Variants in IL3RA observed in about 807,000 individuals in gnomAD.
IL3RA encodes the protein interleukin-3 receptor subunit alpha.
In IL3RA, 73 loss-of-function variants were observed where a neutral mutation model predicts 52.3. That is an observed-to-expected ratio of 1.40 (90% CI 1.16 to 1.70). The LOEUF (loss-of-function observed/expected upper bound fraction) is 1.70, where lower values mean the gene tolerates loss of function less well. IL3RA is among the 40% of genes most tolerant of loss of function. IL3RA has a pLI of 0.00. For synonymous variants in IL3RA, 260 were observed against 194.0 expected, an observed-to-expected ratio of 1.34 and a Z score of -2.83; for missense variants, 664 against 504.4, an observed-to-expected ratio of 1.32 and a Z score of -3.03.
intron 3 of IL3RA, 141 bp from the exon 4 acceptor site, chrX:1,348,290 C>T (rs765860616): frequency 1.3e-4 from 88 of 692,710 alleles, no homozygotes; most frequent in South Asian, 2.5e-4. Flanking sequence ...GAGGGAGAGG[C>T]TGCAGTGAGC....
chrX:1,353,943 A>ACCCCCCCCCCATCATGGGTCATGGGAC (rs2086378912), intron 6 of IL3RA, among the ~76,000 whole-genome samples: 2 of 42,810 alleles, frequency 4.7e-5, no homozygotes, highest in Admixed American at 2.7e-4. Flanking sequence ...GGGTCATGGG[A>ACCCCCCCCCCATCATGGGTCATGGGAC]CCCCCCCCCC....
chrX:1,352,625 C>G, intron 6 of IL3RA, 119 bp downstream of exon 6: 1 of 1,100,436 alleles, frequency 9.1e-7, no homozygotes, highest in Non-Finnish European at 1.3e-6. Flanking sequence ...CTCACATTTC[C>G]AGAGGCTGGA....
intron 9 of IL3RA, among the ~76,000 whole-genome samples, chrX:1,366,543 G>GGGTGAGCCC (rs2088062969): frequency 1.5e-5 from 1 of 68,238 alleles, no homozygotes; most frequent in African/African-American, 5.9e-5. Context: ...CGGGTGCGCG[G>GGGTGAGCCC]GGTGAGCCGG....
At position 1,348,483 on chromosome X, in the gene IL3RA, C is replaced by A; in HGVS notation, c.236C>A (p.Thr79Asn). The A allele has an allele frequency of 1.9e-6, 3 of 1,613,904 alleles. No individual in the cohort carries two copies. Among genetic ancestry groups the A allele is most frequent in the Non-Finnish European group, 2.5e-6 (3 of 1,179,844 alleles). The change falls in exon 4 of 12, where the codon ACC becomes AAC. Residue 79 changes from threonine to asparagine, a missense_variant. Coordinates refer to ENST00000331035, the MANE Select transcript of IL3RA (RefSeq NM_002183.4). ...GGAGCAATTTCCTTATGTGAAGTGA[C>A]CAACTACACCGTCCGAGTGGCCAAC... The part of the protein sequence containing the change: ...QFGAISLCEV[T>N]NYTVRVANPP...
At chrX:1,339,088 C>G (rs1391398428) in intron 1 of IL3RA, among the ~76,000 whole-genome samples, 2 of 152,122 alleles carry the variant, frequency 1.3e-5, no homozygotes, top group African/African-American at 4.8e-5. Context: ...AATCCACCCC[C>G]CTCAGCCTCC....
intron 6 of IL3RA, among the ~76,000 whole-genome samples, chrX:1,352,973 G>A (rs1480285636): frequency 3.3e-5 from 1 of 30,588 alleles, no homozygotes; most frequent in East Asian, 4.0e-4. Context: ...GTCCCATCAT[G>A]GTTCATAGGA....
chrX:1,377,667 G>T (rs1469940462), intron 9 of IL3RA, among the ~76,000 whole-genome samples: 37 of 135,916 alleles, frequency 2.7e-4, no homozygotes, highest in African/African-American at 9.9e-4. Flanking sequence ...ATAGATGTAT[G>T]TTTTTTTTTT....
chrX:1,367,452 G>T (rs1415852330), intron 9 of IL3RA, among the ~76,000 whole-genome samples: 6 of 73,844 alleles, frequency 8.1e-5, no homozygotes, highest in Admixed American at 3.7e-4. Flanking sequence ...GGTGCGCGGG[G>T]TGAGCGGGGT....
intron 9 of IL3RA, among the ~76,000 whole-genome samples, chrX:1,377,889 AAAAAG>A (rs2088897314): frequency 2.0e-5 from 3 of 150,984 alleles, no homozygotes; most frequent in Non-Finnish European, 4.4e-5. Flanking sequence ...AAAAAAAAGA[AAAAAG>A]AAAAAAAATA....
intron 4 of IL3RA, among the ~76,000 whole-genome samples, chrX:1,349,184 C>CA (rs1569520820): frequency 1.0e-5 from 1 of 99,300 alleles, no homozygotes; most frequent in Non-Finnish European, 1.9e-5. Flanking sequence ...ATTTTTTAAA[C>CA]ACCTTTTTTT....
At chrX:1,338,651 G>T (rs139009619) in intron 1 of IL3RA, among the ~76,000 whole-genome samples, 253 of 152,342 alleles carry the variant, frequency 1.7e-3, no homozygotes, top group African/African-American at 5.8e-3. Context: ...GTGTCTGTAT[G>T]ATTCCATTTA....
intron 10 of IL3RA, among the ~76,000 whole-genome samples, chrX:1,380,636 AGAGGG>A (rs2089131236): frequency 7.8e-5 from 3 of 38,592 alleles, no homozygotes; most frequent in Admixed American, 3.6e-4. Context: ...GGAAGGAGGG[AGAGGG>A]GGAGGGGGAG....
chrX:1,359,855 C>A (rs1434408081), intron 8 of IL3RA, among the ~76,000 whole-genome samples: 1 of 147,226 alleles, frequency 6.8e-6, no homozygotes, highest in Non-Finnish European at 1.5e-5. Context: ...CCCTCCCCAT[C>A]TCTTTCTCTG....
intron 7 of IL3RA, among the ~76,000 whole-genome samples, chrX:1,358,173 G>T (rs1244779258): frequency 6.6e-6 from 1 of 152,042 alleles, no homozygotes; most frequent in Admixed American, 6.6e-5. Flanking sequence ...GAGGGAGCAG[G>T]CATAGCTGCA....
At chrX:1,378,525 T>A (rs758384734) in intron 9 of IL3RA, 134 bp from the exon 10 acceptor site, 4 of 722,822 alleles carry the variant, frequency 5.5e-6, no homozygotes, top group Middle Eastern at 3.9e-4. Flanking sequence ...GTGGCACTAC[T>A]GGGGTGTCCC....
At chrX:1,377,723 T>G (rs1243056162) in intron 9 of IL3RA, among the ~76,000 whole-genome samples, 3 of 147,060 alleles carry the variant, frequency 2.0e-5, no homozygotes, top group African/African-American at 7.5e-5. Flanking sequence ...TGGAGGGCAG[T>G]GGCGCGATCA....
intron 2 of IL3RA, among the ~76,000 whole-genome samples, 157 bp downstream of exon 2, chrX:1,341,986 C>A (rs761936384): frequency 6.6e-6 from 1 of 152,024 alleles, no homozygotes; most frequent in Non-Finnish European, 1.5e-5. Context: ...CTTCCCTGTA[C>A]CCGTCACCAA....
chrX:1,348,650 C>G lies in IL3RA; in HGVS notation c.298+105C>G, dbSNP rs868707020. The G allele has an allele frequency of 2.1e-4, 74 of 357,384 alleles. 1 individual carries two copies. The highest frequency in any genetic ancestry group is 2.9e-4 in the Non-Finnish European group (62 of 213,436). The allele number at this position is 357,384 out of a possible 1,614,324, so 22.1% of individuals were successfully genotyped here. A position where few individuals can be genotyped will look rare whatever the true frequency, so the allele number is the denominator to read the frequency against. On this transcript the variant is annotated intron_variant, in intron 4 of 11. Coordinates refer to ENST00000331035, the MANE Select transcript of IL3RA (RefSeq NM_002183.4). ...TCTTTTTTCTTTTCTTTTTCTCTTT[C>G]TTTCTTTCTTTCTTTCTTTCTTTCT...
intron 1 of IL3RA, among the ~76,000 whole-genome samples, 174 bp from the exon 2 acceptor site, chrX:1,341,553 CA>C (rs2085496789): frequency 6.6e-6 from 1 of 151,702 alleles, no homozygotes; most frequent in African/African-American, 2.4e-5. Context: ...GATGTGCATG[CA>C]TGTGCAAAGG....
Sources: allele counts gnomAD v4.1 joint callset (sites outside exome capture counted in the v4.1 genomes callset), GRCh38; gene constraint gnomAD v4.1.1; transcripts MANE v1.5; gene names NCBI Gene and HGNC (gene_info 2026-07-23, HGNC 2026-07-21).